The following ARHGAP22 variants were observed in gnomAD, a reference collection of about 807,000 sequenced individuals.
The protein encoded by ARHGAP22 is Rho GTPase activating protein 22.
Under a neutral mutation model 59.1 loss-of-function variants are expected in ARHGAP22, and 48 were observed. The observed-to-expected ratio is 0.81, with a 90% CI of 0.64 to 1.03. ARHGAP22 has a LOEUF of 1.03. Among genes scored for constraint, ARHGAP22 ranks in the 50% least tolerant of loss-of-function variants. ARHGAP22 has a pLI of 0.00. For missense variants in ARHGAP22, 1,015 were observed against 958.7 expected (o/e 1.06, Z -0.78); for synonymous variants, 445 against 416.4 (o/e 1.07, Z -0.84).
At chr10:48,637,216 C>T (rs572591368) in intron 1 of ARHGAP22, among the ~76,000 whole-genome samples, 3 of 152,112 alleles carry the variant, frequency 2.0e-5, no homozygotes, top group Non-Finnish European at 4.4e-5. Context: ...ACTATTGTGT[C>T]GAGGTGGGGG....
chr10:48,519,576 C>A (rs1337665623), intron 3 of ARHGAP22, among the ~76,000 whole-genome samples: 1 of 152,248 alleles, frequency 6.6e-6, no homozygotes, highest in Non-Finnish European at 1.5e-5. Context: ...AGTACAGATT[C>A]TGTGCTAGTG....
the ARHGAP22 span, among the ~76,000 whole-genome samples, chr10:48,439,911 G>T: frequency 1.3e-5 from 2 of 152,168 alleles, no homozygotes; most frequent in African/African-American, 2.4e-5. Flanking sequence ...CTCCTCTGAG[G>T]AGCGGAGAGG....
rs533684105 is a variant in ARHGAP22, at chr10:48,456,809, GTCCCTCCCTCCC to G, written c.660-1687_660-1676del. Among the ~76,000 whole-genome samples, 5 of 150,798 alleles carry G rather than the reference GTCCCTCCCTCCC, an allele frequency of 3.3e-5. No individual in the cohort carries two copies. In the East Asian group the frequency reaches 7.9e-4, roughly 24 times the overall value. ...ACCTGAGCTCTTACTTCCTTTCCTC[GTCCCTCCCTCCC>G]TCCCTCCCTCCTTCCCCACTGCAGT... On this transcript the variant is annotated intron_variant, in intron 5 of 9. Transcript: ENST00000249601.
chr10:48,615,866 G>A (rs2061060427), intron 1 of ARHGAP22, among the ~76,000 whole-genome samples: 1 of 151,280 alleles, frequency 6.6e-6, no homozygotes, highest in African/African-American at 2.4e-5. Context: ...AAATTCACTA[G>A]AGAGACTCAA....
At chr10:48,495,301 C>G (rs1305062175) in intron 3 of ARHGAP22, among the ~76,000 whole-genome samples, 1 of 152,188 alleles carries the variant, frequency 6.6e-6, no homozygotes, top group East Asian at 1.9e-4. Context: ...TCACCATATG[C>G]TGGGCATCAT....
At chr10:48,585,708 C>T (rs2059387635) in intron 1 of ARHGAP22, among the ~76,000 whole-genome samples, 1 of 152,210 alleles carries the variant, frequency 6.6e-6, no homozygotes, top group Non-Finnish European at 1.5e-5. Context: ...TCTAGGTCCT[C>T]ACCCGCTCCA....
At position 48,504,649 on chromosome 10, in the gene ARHGAP22, C is replaced by T. The variant is rs78452283; in HGVS notation, c.323-24885G>A. On this transcript the variant is annotated intron_variant, in intron 3 of 9. Coordinates refer to ENST00000249601, the MANE Select transcript of ARHGAP22 (RefSeq NM_021226.4). ...GATGGACAGGAGAACTGCAAAGGCC[C>T]CGAGGTGGGAAAACTCCTGAGCTCT... Among the ~76,000 whole-genome samples, 717 of 152,158 alleles carry T rather than the reference C, an allele frequency of 4.7e-3. 5 individuals carry two copies. The highest frequency in any genetic ancestry group is 0.017 in the Middle Eastern group (5 of 294).
chr10:48,584,593 C>T (rs2059311141), intron 1 of ARHGAP22, among the ~76,000 whole-genome samples: 1 of 152,210 alleles, frequency 6.6e-6, no homozygotes, highest in Non-Finnish European at 1.5e-5. Context: ...GTCCTCGTTA[C>T]TGTGGGGGGC....
At chr10:48,524,506 G>T (rs938883697) in intron 3 of ARHGAP22, among the ~76,000 whole-genome samples, 42 of 151,954 alleles carry the variant, frequency 2.8e-4, no homozygotes, top group Non-Finnish European at 5.0e-4. Context: ...CGCCTCCCTG[G>T]GAGCCAAGCA....
Position 48,640,847 on chromosome 10 carries a change from C to T in ARHGAP22, c.52+11387G>A, listed in dbSNP as rs548803759. ...AAGGTCCCATAAATTTATTTTTCCTCTTAACATCTTTTAAAGACATAGTAT... is the reference window on the plus strand; with the variant it reads ...AAGGTCCCATAAATTTATTTTTCCTTTTAACATCTTTTAAAGACATAGTAT... On this transcript the variant is annotated intron_variant, in intron 1 of 9. Coordinates refer to the ARHGAP22 transcript ENST00000435790. Among the ~76,000 whole-genome samples, 16 of 152,248 alleles carry T rather than the reference C, an allele frequency of 1.1e-4. No individual in the cohort carries two copies. In the South Asian group the frequency reaches 3.3e-3, roughly 32 times the overall value.
intron 1 of ARHGAP22, among the ~76,000 whole-genome samples, chr10:48,594,573 G>C (rs964510950): frequency 5.3e-5 from 8 of 152,176 alleles, no homozygotes; most frequent in African/African-American, 1.9e-4. Flanking sequence ...CCCCAAATGT[G>C]CTGTCCTTCC....
At chr10:48,480,995 C>A (rs1178754474) in intron 3 of ARHGAP22, among the ~76,000 whole-genome samples, 1 of 152,248 alleles carries the variant, frequency 6.6e-6, no homozygotes, top group Non-Finnish European at 1.5e-5. Context: ...CGTGGGGAGG[C>A]AGGGGGAGAG....
In ARHGAP22 at chr10:48,649,131, C is replaced by T. The variant is rs185126113; in HGVS notation, c.52+3103G>A. Among the ~76,000 whole-genome samples the T allele has an allele frequency of 1.6e-3, 247 of 152,324 alleles. 1 individual carries two copies. Among genetic ancestry groups the T allele is most frequent in the African/African-American group, 5.4e-3 (225 of 41,560 alleles). On this transcript the variant is annotated intron_variant, in intron 1 of 9. Coordinates refer to the ARHGAP22 transcript ENST00000435790. ...ACCATCAATAGCTCCCTATGCCTCA[C>T]GAGAACAAGTCCAAGTTTCTGAATA...
At chr10:48,519,540 A>C (rs2053611584) in intron 3 of ARHGAP22, among the ~76,000 whole-genome samples, 1 of 152,240 alleles carries the variant, frequency 6.6e-6, no homozygotes, top group African/African-American at 2.4e-5. Context: ...GTCTCTGCCC[A>C]CACTCTGCTC....
At chr10:48,569,880 T>C (rs2058288896) in intron 2 of ARHGAP22, among the ~76,000 whole-genome samples, 1 of 152,214 alleles carries the variant, frequency 6.6e-6, no homozygotes, top group Non-Finnish European at 1.5e-5. Flanking sequence ...TCTAACTTGA[T>C]TTCCTTTTCC....
chr10:48,458,987 T>A (rs1433676962), intron 5 of ARHGAP22, among the ~76,000 whole-genome samples: 1 of 152,092 alleles, frequency 6.6e-6, no homozygotes, highest in Non-Finnish European at 1.5e-5. Flanking sequence ...GGTGGGCCCA[T>A]CCTGGGGCAG....
the ARHGAP22 span, among the ~76,000 whole-genome samples, chr10:48,433,913 G>A: frequency 6.6e-6 from 1 of 152,168 alleles, no homozygotes; most frequent in Non-Finnish European, 1.5e-5. Flanking sequence ...TTTCATAAAT[G>A]TATTCTTGAG....
At chr10:48,444,711 TCAA>T (rs1564647692), downstream of ARHGAP22, 1 of 152,188 alleles carries the variant, frequency 6.6e-6, no homozygotes, top group Admixed American at 6.5e-5. Context: ...GCGAGAAAAC[TCAA>T]CAGGGTCATC....
chr10:48,465,253 G>C (rs771401933), intron 4 of ARHGAP22, among the ~76,000 whole-genome samples: 48 of 152,218 alleles, frequency 3.2e-4, no homozygotes, highest in Non-Finnish European at 5.1e-4. Flanking sequence ...GCCACCGCAG[G>C]GGAAACTGGC....
Sources: allele counts gnomAD v4.1 joint callset (sites outside exome capture counted in the v4.1 genomes callset), GRCh38; gene constraint gnomAD v4.1.1; transcripts MANE v1.5; gene names NCBI Gene and HGNC (gene_info 2026-07-23, HGNC 2026-07-21).